The following OXR1 variants were observed in gnomAD, a reference collection of about 807,000 sequenced individuals.
OXR1 encodes the protein oxidation resistance protein 1.
OXR1 carries 41 observed loss-of-function variants against 104.6 expected under a neutral mutation model. The observed-to-expected ratio is 0.39, with a 90% confidence interval of 0.31 to 0.51. The LOEUF is 0.51. Among genes scored for constraint, OXR1 ranks in the 20% least tolerant of loss-of-function variants. The probability of loss-of-function intolerance (pLI) is 0.77; values close to 1 mark genes in which losing one functional copy is unlikely to be tolerated. For synonymous variants in OXR1, 348 were observed against 348.4 expected (o/e 1.00, Z 0.01); for missense variants, 955 against 1,031.9 (o/e 0.93, Z 1.02).
At chr8:106,492,843 G>A (rs1195207395) in intron 2 of OXR1, among the ~76,000 whole-genome samples, 2 of 152,100 alleles carry the variant, frequency 1.3e-5, no homozygotes, top group Non-Finnish European at 2.9e-5. Flanking sequence ...AGACTTCAAC[G>A]AACTTTCACC....
chr8:106,530,882 G>A (rs1670400), intron 3 of OXR1, among the ~76,000 whole-genome samples: 9,246 of 152,224 alleles, frequency 0.061, 330 homozygotes, highest in Non-Finnish European at 0.079. Flanking sequence ...TCAGGACACA[G>A]AAGATATTAG....
chr8:106,521,452 C>T (rs1259001379), intron 3 of OXR1, among the ~76,000 whole-genome samples: 2 of 152,090 alleles, frequency 1.3e-5, no homozygotes, highest in Non-Finnish European at 2.9e-5. Context: ...TCTCTTGTGA[C>T]CCGTCAGAAT....
intron 3 of OXR1, among the ~76,000 whole-genome samples, chr8:106,590,532 C>T (rs1381255180): frequency 1.3e-5 from 2 of 152,176 alleles, no homozygotes; most frequent in Admixed American, 6.5e-5. Context: ...ATGGTCTGCC[C>T]GCCTTGGCTT....
At chr8:106,299,308 C>T (rs192225385) in intron 1 of OXR1, among the ~76,000 whole-genome samples, 54 of 151,528 alleles carry the variant, frequency 3.6e-4, no homozygotes, top group Non-Finnish European at 6.8e-4. Flanking sequence ...ATTCTTTCTA[C>T]ATGTCATTTT....
At chr8:106,613,159 G>A (rs1820943806) in intron 3 of OXR1, among the ~76,000 whole-genome samples, 1 of 152,006 alleles carries the variant, frequency 6.6e-6, no homozygotes, top group African/African-American at 2.4e-5. Context: ...CCTTCAAGCA[G>A]AAGAAAATAT....
chr8:106,710,503 C>A (rs1041990856), intron 9 of OXR1, 119 bp from the exon 10 acceptor site: 12 of 519,674 alleles, frequency 2.3e-5, no homozygotes, highest in African/African-American at 1.8e-4. Context: ...TACTTTAGCA[C>A]CACTAAAGTG....
rs774001756 is a variant in OXR1, at chr8:106,742,202, T to C, written c.2317-20T>C. On this transcript the variant is annotated intron_variant, in intron 14 of 16. Coordinates refer to ENST00000517566, the MANE Select transcript of OXR1 (RefSeq NM_001198533.2). ...TAAATTTGTTAGTCGTGTCATTGAATATGCCTTTTTTATCCTTAGGTTTTT... is the reference window on the plus strand; with the variant it reads ...TAAATTTGTTAGTCGTGTCATTGAACATGCCTTTTTTATCCTTAGGTTTTT... The C allele has an allele frequency of 5.9e-6, 8 of 1,353,894 alleles. No individual in the cohort carries two copies. The Admixed American group carries it at 1.4e-4, about 23-fold the overall frequency. The allele number at this position is 1,353,894 out of a possible 1,614,324, so 83.9% of individuals were successfully genotyped here.
At chr8:106,587,247 T>A (rs2130668987) in intron 3 of OXR1, among the ~76,000 whole-genome samples, 2 of 151,888 alleles carry the variant, frequency 1.3e-5, no homozygotes, top group South Asian at 4.2e-4. Flanking sequence ...GTCGATGTGG[T>A]ATTGAGTCTG....
chr8:106,684,157 G>T (rs1010587264), intron 5 of OXR1, 89 bp from the exon 6 acceptor site: 33 of 603,610 alleles, frequency 5.5e-5, no homozygotes, highest in South Asian at 2.3e-4. Flanking sequence ...TGTTTAATTG[G>T]TAATTGTTAA....
chr8:106,472,666 T>C (rs780834762), intron 2 of OXR1, among the ~76,000 whole-genome samples: 7 of 151,882 alleles, frequency 4.6e-5, no homozygotes, highest in Non-Finnish European at 1.0e-4. Context: ...AAGAGACTTA[T>C]GCAATTAAAT....
chr8:106,486,446 T>C (rs1369330468), intron 2 of OXR1, among the ~76,000 whole-genome samples: 2 of 152,112 alleles, frequency 1.3e-5, no homozygotes, highest in Non-Finnish European at 2.9e-5. Context: ...AAGTAAGACA[T>C]ATTAAGGAAT....
intron 6 of OXR1, among the ~76,000 whole-genome samples, chr8:106,692,391 G>A (rs1176428052): frequency 1.3e-5 from 2 of 152,050 alleles, no homozygotes; most frequent in Non-Finnish European, 2.9e-5. Context: ...GAGTGTGTGT[G>A]CACGTGTGTG....
At chr8:106,684,679 A>G (rs1828517630) in intron 6 of OXR1, among the ~76,000 whole-genome samples, 1 of 152,194 alleles carries the variant, frequency 6.6e-6, no homozygotes, top group Non-Finnish European at 1.5e-5. Flanking sequence ...GAGGAAGTTC[A>G]TGTCCAATTT....
At chr8:106,682,267 T>C (rs371698296) in intron 4 of OXR1, among the ~76,000 whole-genome samples, 23 of 141,860 alleles carry the variant, frequency 1.6e-4, no homozygotes, top group African/African-American at 4.7e-4. Flanking sequence ...AGCTCTCTCT[T>C]TTTTTTTTTT....
intron 3 of OXR1, among the ~76,000 whole-genome samples, chr8:106,577,620 C>T (rs941139368): frequency 3.9e-5 from 6 of 151,948 alleles, no homozygotes; most frequent in African/African-American, 9.7e-5. Context: ...GAACTCCTGA[C>T]CTGAGGTGAT....
intron 1 of OXR1, among the ~76,000 whole-genome samples, chr8:106,349,053 G>A (rs1245777122): frequency 2.0e-5 from 3 of 152,166 alleles, no homozygotes; most frequent in Admixed American, 6.5e-5. Context: ...AGCCAGTGAT[G>A]TGCAAACTGT....
intron 2 of OXR1, among the ~76,000 whole-genome samples, chr8:106,515,060 AG>A (rs1812771942): frequency 6.6e-6 from 1 of 152,264 alleles, no homozygotes; most frequent in Admixed American, 6.5e-5. Flanking sequence ...GGATTTCATC[AG>A]GTTCAACATA....
At chr8:106,677,978 G>T (rs1827773671) in intron 3 of OXR1, among the ~76,000 whole-genome samples, 1 of 152,066 alleles carries the variant, frequency 6.6e-6, no homozygotes, top group Non-Finnish European at 1.5e-5. Context: ...CTTTGTGGAA[G>T]AAAGGCAATG....
At chr8:106,681,215 C>G (rs1190417966) in intron 4 of OXR1, among the ~76,000 whole-genome samples, 1 of 151,968 alleles carries the variant, frequency 6.6e-6, no homozygotes, top group Non-Finnish European at 1.5e-5. Context: ...TATGAAAGTA[C>G]TTGGTAAACT....
Sources: gnomAD v4.1 joint callset for allele counts (sites outside exome capture counted in the v4.1 genomes callset) on GRCh38, gnomAD v4.1.1 for gene constraint, MANE v1.5 for transcripts, NCBI Gene and HGNC (gene_info 2026-07-23, HGNC 2026-07-21) for gene names.